Variants in RBMS3 observed in about 807,000 individuals in gnomAD.
The protein encoded by RBMS3 is RNA-binding motif, single-stranded-interacting protein 3.
A neutral mutation model predicts 66.8 loss-of-function variants in RBMS3; 27 were observed. That is an observed-to-expected ratio of 0.40 (90% CI 0.30 to 0.56). RBMS3 has a LOEUF of 0.56. Among genes scored for constraint, RBMS3 ranks in the 20% least tolerant of loss-of-function variants. RBMS3 has a pLI of 0.40. For synonymous variants in RBMS3, 188 were observed against 183.0 expected, an observed-to-expected ratio of 1.03 and a Z score of -0.22; for missense variants, 513 against 549.5, an observed-to-expected ratio of 0.93 and a Z score of 0.66.
intron 1 of RBMS3, among the ~76,000 whole-genome samples, chr3:29,284,435 C>T (rs1215436914): frequency 6.6e-6 from 1 of 152,100 alleles, no homozygotes; most frequent in Non-Finnish European, 1.5e-5. Context: ...AGAAAATGCA[C>T]ACATGCTGAA....
At chr3:29,657,587 ATGTT>A (rs1198939969) in intron 4 of RBMS3, among the ~76,000 whole-genome samples, 1 of 152,188 alleles carries the variant, frequency 6.6e-6, no homozygotes, top group African/African-American at 2.4e-5. Context: ...ATCTAAAAAT[ATGTT>A]TGTTATTTTT....
At chr3:29,453,805 A>G (rs1380115589) in intron 2 of RBMS3, among the ~76,000 whole-genome samples, 1 of 152,160 alleles carries the variant, frequency 6.6e-6, no homozygotes, top group African/African-American at 2.4e-5. Flanking sequence ...CACGCTAGCC[A>G]GGGGTGATGA....
chr3:29,992,682 G>C (rs1334017500), intron 14 of RBMS3, among the ~76,000 whole-genome samples: 1 of 152,198 alleles, frequency 6.6e-6, no homozygotes, highest in African/African-American at 2.4e-5. Context: ...AGCAAAGACA[G>C]CTGGGGATCT....
intron 3 of RBMS3, among the ~76,000 whole-genome samples, chr3:29,554,708 AAC>A (rs936676525): frequency 1.3e-5 from 2 of 152,180 alleles, no homozygotes; most frequent in Non-Finnish European, 2.9e-5. Context: ...AAATAAAAGT[AAC>A]AGCAAGATAA....
intron 4 of RBMS3, among the ~76,000 whole-genome samples, chr3:29,722,178 G>T (rs1489819193): frequency 6.6e-6 from 1 of 151,964 alleles, no homozygotes; most frequent in Non-Finnish European, 1.5e-5. Context: ...TTAACAGCTT[G>T]TTTATTTTAT....
At chr3:29,477,988 G>A (rs1436890329) in intron 2 of RBMS3, among the ~76,000 whole-genome samples, 2 of 151,990 alleles carry the variant, frequency 1.3e-5, no homozygotes, top group African/African-American at 4.8e-5. Flanking sequence ...AGGCTGGTCT[G>A]AAACTCCTGA....
intron 5 of RBMS3, among the ~76,000 whole-genome samples, chr3:29,750,587 C>T (rs563997511): frequency 6.6e-6 from 1 of 152,144 alleles, no homozygotes; most frequent in Admixed American, 6.5e-5. Flanking sequence ...GGCACATGTG[C>T]AGGTTCGTTA....
intron 4 of RBMS3, among the ~76,000 whole-genome samples, chr3:29,728,235 T>C (rs1045177933): frequency 4.6e-5 from 7 of 151,944 alleles, no homozygotes; most frequent in African/African-American, 1.7e-4. Flanking sequence ...AGGGAGAGGA[T>C]TGGGACAAAT....
intron 5 of RBMS3, among the ~76,000 whole-genome samples, chr3:29,749,466 C>T (rs1178051957): frequency 5.9e-5 from 9 of 152,142 alleles, no homozygotes; most frequent in Non-Finnish European, 4.4e-5. Flanking sequence ...GCCATATAGG[C>T]TCCTTTAAGT....
chr3:29,782,364 C>G (rs570190219), intron 6 of RBMS3, among the ~76,000 whole-genome samples: 1 of 152,306 alleles, frequency 6.6e-6, no homozygotes, highest in East Asian at 1.9e-4. Context: ...AGACTCTTTG[C>G]AGACACTCCC....
intron 12 of RBMS3, among the ~76,000 whole-genome samples, chr3:29,969,506 C>T (rs1697083866): frequency 6.6e-6 from 1 of 152,214 alleles, no homozygotes; most frequent in African/African-American, 2.4e-5. Context: ...TCTGACAAAT[C>T]TATGTCCTCT....
chr3:29,733,280 C>T lies in RBMS3; in HGVS notation c.400-6440C>T, dbSNP rs150818005. ...TTTTCACCCAGTAGTTAAAAAATTTCTATAAATTCGTTATACACAATTTTG... is the reference window on the plus strand; with the variant it reads ...TTTTCACCCAGTAGTTAAAAAATTTTTATAAATTCGTTATACACAATTTTG... On this transcript the variant is annotated intron_variant, in intron 4 of 14. Transcript: ENST00000383767. 6.9e-3 allele frequency among the ~76,000 whole-genome samples: 1,043 copies of T among 151,776 alleles called. 9 individuals are homozygous for T. Among genetic ancestry groups the T allele is most frequent in the Middle Eastern group, 0.041 (12 of 292 alleles).
chr3:29,914,733 G>A (rs1023257738), intron 10 of RBMS3, among the ~76,000 whole-genome samples: 3 of 151,874 alleles, frequency 2.0e-5, no homozygotes. Context: ...ACAGTGATAA[G>A]TTAGGAAAAT....
intron 4 of RBMS3, among the ~76,000 whole-genome samples, chr3:29,668,396 G>A (rs1336674845): frequency 6.6e-6 from 1 of 152,170 alleles, no homozygotes; most frequent in Non-Finnish European, 1.5e-5. Context: ...ACTGGCCTAG[G>A]CTGGCCCTGC....
chr3:29,715,430 C>G lies in RBMS3; in HGVS notation c.400-24290C>G, dbSNP rs542103951. 4.9e-4 allele frequency among the ~76,000 whole-genome samples: 75 copies of G among 152,212 alleles called. 2 individuals are homozygous for G. The South Asian group carries it at 0.015, about 31-fold the overall frequency. ...CTTTTCTCTGTATATCATACTGCAT[C>G]TTTTTTATAACTTGAACTTTTCATG... On this transcript the variant is annotated intron_variant, in intron 4 of 14. Coordinates refer to ENST00000383767, the MANE Select transcript of RBMS3 (RefSeq NM_001003793.3).
intron 2 of RBMS3, among the ~76,000 whole-genome samples, chr3:29,449,371 C>T (rs372980114): frequency 3.2e-4 from 49 of 152,246 alleles, no homozygotes; most frequent in East Asian, 9.6e-4. Context: ...AGACAAGTCA[C>T]GATAAAATAT....
At chr3:29,532,785 A>G (rs2045415371) in intron 3 of RBMS3, among the ~76,000 whole-genome samples, 1 of 152,202 alleles carries the variant, frequency 6.6e-6, no homozygotes, top group Admixed American at 6.5e-5. Context: ...TTAAAAAATC[A>G]TTAGTGCAAA....
intron 6 of RBMS3, among the ~76,000 whole-genome samples, chr3:29,821,061 C>A (rs1169236583): frequency 6.6e-6 from 1 of 152,176 alleles, no homozygotes; most frequent in Non-Finnish European, 1.5e-5. Context: ...TATAGAAGTG[C>A]AAATGTGAAT....
chr3:29,909,197 A>G (rs1478007810), intron 10 of RBMS3, among the ~76,000 whole-genome samples: 1 of 152,128 alleles, frequency 6.6e-6, no homozygotes, highest in African/African-American at 2.4e-5. Context: ...TTGAAGTACA[A>G]CTTTCACGCA....
Sources: allele counts gnomAD v4.1 joint callset (sites outside exome capture counted in the v4.1 genomes callset), GRCh38; gene constraint gnomAD v4.1.1; transcripts MANE v1.5; gene names NCBI Gene and HGNC (gene_info 2026-07-23, HGNC 2026-07-21).